Variants in MAP2 observed in about 807,000 individuals in gnomAD.
MAP2 encodes microtubule associated protein 2, also known as microtubule-associated protein 2.
A neutral mutation model predicts 137.6 loss-of-function variants in MAP2; 14 were observed. The observed-to-expected ratio is 0.10, with a 90% confidence interval of 0.07 to 0.16. The LOEUF (loss-of-function observed/expected upper bound fraction) is 0.16, where lower values mean the gene tolerates loss of function less well. Among genes scored for constraint, MAP2 ranks in the 10% least tolerant of loss-of-function variants. The probability of loss-of-function intolerance (pLI) is 1.00; values close to 1 mark genes in which losing one functional copy is unlikely to be tolerated. For missense variants in MAP2, 2,088 were observed against 2,191.5 expected (o/e 0.95, Z 0.94); for synonymous variants, 786 against 782.3 (o/e 1.00, Z -0.08).
intron 2 of MAP2, among the ~76,000 whole-genome samples, chr2:209,563,395 AC>A (rs917984473): frequency 3.4e-5 from 5 of 147,528 alleles, no homozygotes; most frequent in Non-Finnish European, 7.4e-5. Flanking sequence ...ACCAACCTAT[AC>A]AAATTGATGC....
At chr2:209,684,375 G>A (rs1416194736) in intron 7 of MAP2, among the ~76,000 whole-genome samples, 4 of 152,208 alleles carry the variant, frequency 2.6e-5, no homozygotes, top group Non-Finnish European at 5.9e-5. Context: ...AGACTGAGAA[G>A]TCCTCAGTCA....
chr2:209,721,506 G>T (rs1411293092), intron 13 of MAP2, among the ~76,000 whole-genome samples: 1 of 152,032 alleles, frequency 6.6e-6, no homozygotes, highest in Non-Finnish European at 1.5e-5. Context: ...AGAAAATCTG[G>T]GTAAAATCAA....
At position 209,639,257 on chromosome 2, in the gene MAP2, A is replaced by G. The variant is rs2093817413; in HGVS notation, c.-29-13885A>G. On this transcript the variant is annotated intron_variant, in intron 4 of 15. Transcript: ENST00000682079. ...GAATTCAAAACATAATAATGTCAAT[A>G]CCCATCAAAATTGTATAAAACATGA... Among the ~76,000 whole-genome samples, 2 of 152,146 alleles carry G rather than the reference A, an allele frequency of 1.3e-5. 1 individual carries two copies. Among genetic ancestry groups the G allele is most frequent in the South Asian group, 4.1e-4 (2 of 4,832 alleles).
Position 209,551,696 on chromosome 2 carries a change from G to A in MAP2, c.-171-28340G>A, listed in dbSNP as rs1343493942. Among the ~76,000 whole-genome samples, 6 of 152,256 alleles carry A rather than the reference G, an allele frequency of 3.9e-5. No homozygotes were observed. The South Asian group carries it at 1.0e-3, about 26-fold the overall frequency. ...TGATTTGAGCAAGTTTGCATGTACC[G>A]AAATGTTCTCTCTGTGGAAGTCATA... On this transcript the variant is annotated intron_variant, in intron 2 of 15. Transcript: ENST00000682079.
rs774354432 is a variant in MAP2, at chr2:209,696,023, G to T, written c.3853G>T (p.Val1285Leu). The change falls in exon 8 of 16, where the codon GTG becomes TTG. Residue 1285 changes from valine to leucine, a missense_variant. Physicochemically the swap from Val to Leu is conservative, Grantham distance 32. Transcript: ENST00000682079. ...SEHKGVIESVVTIEDDFITVV... is the reference protein window; with the variant it reads ...SEHKGVIESVLTIEDDFITVV... Reference sequence around the variant, plus strand: ...ACACAAAGGAGTGATTGAGTCTGTTGTGACCATCGAGGATGATTTCATCAC... The same window carrying T: ...ACACAAAGGAGTGATTGAGTCTGTTTTGACCATCGAGGATGATTTCATCAC... The T allele has an allele frequency of 3.1e-6, 5 of 1,614,138 alleles. No homozygotes were observed. In the East Asian group the frequency reaches 1.1e-4, roughly 36 times the overall value.
intron 5 of MAP2, among the ~76,000 whole-genome samples, chr2:209,677,032 T>TA (rs1275921910): frequency 1.3e-5 from 2 of 151,522 alleles, no homozygotes; most frequent in African/African-American, 2.4e-5. Context: ...CTTTCCCATT[T>TA]AAAAAAACAT....
Position 209,653,214 on chromosome 2 carries a change from C to T in MAP2, c.44C>T (p.Thr15Ile). The T allele has an allele frequency of 6.2e-7, 1 of 1,613,528 alleles. No homozygotes were observed. The highest frequency in any genetic ancestry group is 8.5e-7 in the Non-Finnish European group (1 of 1,179,754). ...RKDEAKAPHW[T>I]SAPLTEASAH... ...GATGAAGCAAAGGCACCTCACTGGA[C>T]CTCAGCACCGCTAACAGAGGCATCT... is the stretch of plus-strand genomic sequence containing the variant. The change falls in exon 5 of 16, where the codon ACC becomes ATC. Residue 15 changes from threonine to isoleucine, a missense_variant. Transcript: ENST00000682079.
chr2:209,661,677 A>C, intron 5 of MAP2: 1 of 985,438 alleles, frequency 1.0e-6, no homozygotes, highest in South Asian at 4.7e-5. Context: ...CAGTTCCACG[A>C]GGTTTGTATT....
intron 12 of MAP2, among the ~76,000 whole-genome samples, chr2:209,706,493 C>A (rs16843532): frequency 0.013 from 1,918 of 151,950 alleles, 41 homozygotes; most frequent in African/African-American, 0.045. Context: ...TCAATTCATT[C>A]TACTGATGAG....
Position 209,433,254 on chromosome 2 carries a change from A to G in MAP2, c.-222+8978A>G, listed in dbSNP as rs578227097. Among the ~76,000 whole-genome samples, 127 of 152,266 alleles carry G rather than the reference A, an allele frequency of 8.3e-4. 2 individuals are homozygous for G. The South Asian group carries it at 0.014, about 17-fold the overall frequency. ...AGGGAATATACAATAAACATATATA[A>G]TAGAGCTTGTCTGTGATGGGATAGG... On this transcript the variant is annotated intron_variant, in intron 1 of 15. Coordinates refer to ENST00000682079, the MANE Select transcript of MAP2 (RefSeq NM_001375505.1).
intron 14 of MAP2, among the ~76,000 whole-genome samples, chr2:209,729,403 C>A (rs576719932): frequency 6.6e-4 from 100 of 152,304 alleles, no homozygotes; most frequent in Non-Finnish European, 1.1e-3. Flanking sequence ...CAGCCTAAAT[C>A]TTCTTTGGAT....
chr2:209,527,541 G>A (rs561273801), intron 2 of MAP2, among the ~76,000 whole-genome samples: 1 of 152,174 alleles, frequency 6.6e-6, no homozygotes, highest in Non-Finnish European at 1.5e-5. Flanking sequence ...CATCCCACTA[G>A]CAGCTTTCTT....
intron 1 of MAP2, among the ~76,000 whole-genome samples, chr2:209,490,604 G>GA (rs2058966518): frequency 1.8e-3 from 3 of 1,686 alleles, no homozygotes; most frequent in Admixed American, 0.011. Flanking sequence ...CAAATGGAAA[G>GA]CAAAAAAAAA....
chr2:209,554,980 T>C (rs2070210599), intron 2 of MAP2, among the ~76,000 whole-genome samples: 1 of 149,326 alleles, frequency 6.7e-6, no homozygotes, highest in African/African-American at 2.4e-5. Flanking sequence ...TAATTTACTT[T>C]CTGCCTTGTT....
chr2:209,424,916 G>A (rs1445782356), intron 1 of MAP2, among the ~76,000 whole-genome samples: 1 of 152,182 alleles, frequency 6.6e-6, no homozygotes, highest in South Asian at 2.1e-4. Context: ...AACGTTGGGG[G>A]TGGACCTCTG....
chr2:209,437,580 T>C (rs971982849), intron 1 of MAP2, among the ~76,000 whole-genome samples: 1 of 151,646 alleles, frequency 6.6e-6, no homozygotes, highest in Admixed American at 6.6e-5. Flanking sequence ...TTAACTGTCC[T>C]ATTAAATCAA....
chr2:209,504,894 T>A (rs770879544), intron 1 of MAP2, among the ~76,000 whole-genome samples: 2 of 152,140 alleles, frequency 1.3e-5, no homozygotes, highest in African/African-American at 4.8e-5. Context: ...CCTAGTGTTC[T>A]TATGTACATT....
intron 1 of MAP2, among the ~76,000 whole-genome samples, chr2:209,458,894 A>G (rs1192759004): frequency 6.6e-6 from 1 of 152,172 alleles, no homozygotes; most frequent in Non-Finnish European, 1.5e-5. Context: ...TATGTCAAGC[A>G]GAGATGATAC....
chr2:209,554,655 TGGG>T (rs2070078457), intron 2 of MAP2, among the ~76,000 whole-genome samples: 3 of 151,830 alleles, frequency 2.0e-5, no homozygotes, highest in Middle Eastern at 6.8e-3. Flanking sequence ...GTGGCTGAGG[TGGG>T]AGGACTGATA....
Sources: allele counts gnomAD v4.1 joint callset (sites outside exome capture counted in the v4.1 genomes callset), GRCh38; gene constraint gnomAD v4.1.1; transcripts MANE v1.5; gene names NCBI Gene and HGNC (gene_info 2026-07-23, HGNC 2026-07-21).